The following TMEM132B variants were observed in gnomAD, a reference collection of about 807,000 sequenced individuals.
The protein encoded by TMEM132B is transmembrane protein 132B.
In TMEM132B, 18 loss-of-function variants were observed where a neutral mutation model predicts 90.8. The observed-to-expected ratio is 0.20, with a 90% CI of 0.14 to 0.29. TMEM132B has a LOEUF of 0.29. Among genes scored for constraint, TMEM132B ranks in the 10% least tolerant of loss-of-function variants. The pLI is 1.00. For synonymous variants in TMEM132B, 504 were observed against 523.3 expected, an observed-to-expected ratio of 0.96 and a Z score of 0.50; for missense variants, 1,096 against 1,326.8, an observed-to-expected ratio of 0.83 and a Z score of 2.70.
At chr12:125,219,517 G>T (rs1873513022) in intron 1 of TMEM132B, among the ~76,000 whole-genome samples, 1 of 152,154 alleles carries the variant, frequency 6.6e-6, no homozygotes, top group Non-Finnish European at 1.5e-5. Context: ...GAGGCTGCCT[G>T]GATCCCCAGA....
chr12:125,403,206 A>C (rs1437021224), intron 2 of TMEM132B, among the ~76,000 whole-genome samples: 1 of 152,196 alleles, frequency 6.6e-6, no homozygotes, highest in Non-Finnish European at 1.5e-5. Flanking sequence ...TGAGCTGCTG[A>C]GTGACATTAT....
chr12:125,316,688 G>T (rs1017385147), intron 1 of TMEM132B, among the ~76,000 whole-genome samples: 1 of 142,986 alleles, frequency 7.0e-6, no homozygotes, highest in Non-Finnish European at 1.5e-5. Context: ...CGGAAGAGGG[G>T]GCAGGAAGTG....
intron 3 of TMEM132B, among the ~76,000 whole-genome samples, chr12:125,474,056 T>TTCCTTTCCTTTCC (rs1555252177): frequency 1.6e-4 from 21 of 129,480 alleles, no homozygotes; most frequent in African/African-American, 6.1e-4. Flanking sequence ...CCTTCTTTCT[T>TTCCTTTCCTTTCC]TTTCCTTTCC....
chr12:125,473,829 T>G (rs1881785403), intron 3 of TMEM132B, among the ~76,000 whole-genome samples: 1 of 152,184 alleles, frequency 6.6e-6, no homozygotes, highest in Non-Finnish European at 1.5e-5. Flanking sequence ...TTGAAGGAGT[T>G]TTTTTTCTTT....
chr12:125,533,650 C>G (rs10744212), intron 4 of TMEM132B, among the ~76,000 whole-genome samples: 87,877 of 151,806 alleles, frequency 0.58, 25,799 homozygotes, highest in East Asian at 0.86. Context: ...CGCAGACCGG[C>G]TTGTACAGGC....
intron 2 of TMEM132B, among the ~76,000 whole-genome samples, chr12:125,397,532 C>G (rs1879202597): frequency 6.6e-6 from 1 of 152,066 alleles, no homozygotes; most frequent in Non-Finnish European, 1.5e-5. Context: ...CATGAGAAAC[C>G]CTTTATTGGG....
chr12:125,631,085 T>G (rs2136995402), intron 5 of TMEM132B, among the ~76,000 whole-genome samples: 1 of 152,274 alleles, frequency 6.6e-6, no homozygotes, highest in African/African-American at 2.4e-5. Context: ...TTAAATTGTT[T>G]ATTTGAAGTT....
intron 2 of TMEM132B, among the ~76,000 whole-genome samples, chr12:125,379,265 C>G (rs1878587563): frequency 6.6e-6 from 1 of 152,088 alleles, no homozygotes; most frequent in Non-Finnish European, 1.5e-5. Context: ...AGGAGGGTAT[C>G]CTGGGTTATC....
At chr12:125,529,782 A>G (rs1883594481) in intron 4 of TMEM132B, among the ~76,000 whole-genome samples, 1 of 152,230 alleles carries the variant, frequency 6.6e-6, no homozygotes, top group Admixed American at 6.5e-5. Flanking sequence ...AAAACTTTAA[A>G]ATCTAAACAG....
Position 125,498,262 on chromosome 12 carries a change from T to C in TMEM132B, c.1107-21177T>C, listed in dbSNP as rs918287666. ...ACAGTAAAGGATGATTTAATTTACA[T>C]GGGAATGCTGAGTTGATGGCTAGGT... On this transcript the variant is annotated intron_variant, in intron 3 of 8. Coordinates refer to ENST00000682704, the MANE Select transcript of TMEM132B (RefSeq NM_001366854.1). The surrounding 1 kb of genome is among the most constrained non-coding windows in gnomAD (Gnocchi z 4.5). Among the ~76,000 whole-genome samples, 13 of 152,206 alleles carry C rather than the reference T, an allele frequency of 8.5e-5. No homozygotes were observed. The highest frequency in any genetic ancestry group is 1.9e-4 in the African/African-American group (8 of 41,444).
At chr12:125,386,478 A>G (rs1039980183) in intron 2 of TMEM132B, among the ~76,000 whole-genome samples, 2 of 152,230 alleles carry the variant, frequency 1.3e-5, no homozygotes, top group African/African-American at 2.4e-5. Flanking sequence ...AATGCCAGCT[A>G]ATGAAAAATA....
Position 125,349,708 on chromosome 12 carries a change from G to A in TMEM132B, c.324G>A (p.Leu108=). The A allele has an allele frequency of 6.2e-7, 1 of 1,614,162 alleles. No individual in the cohort carries two copies. The highest frequency in any genetic ancestry group is 1.1e-5 in the South Asian group (1 of 91,066). The change falls in exon 2 of 9, where the codon TTG becomes TTA. Residue 108 remains leucine (L), a synonymous_variant. Coordinates refer to ENST00000682704, the MANE Select transcript of TMEM132B (RefSeq NM_001366854.1). The surrounding 1 kb of genome is among the most constrained non-coding windows in gnomAD (Gnocchi z 4.1). ...VEKIIPQELL[L]TSTAFGNMDK... is the part of the protein sequence containing the mutation. ...AGATAATCCCCCAGGAGCTCCTGTTGACATCTACAGCCTTTGGAAACATGG... is the reference window on the plus strand; with the variant it reads ...AGATAATCCCCCAGGAGCTCCTGTTAACATCTACAGCCTTTGGAAACATGG...
chr12:125,237,258 C>T (rs899952628), intron 1 of TMEM132B, among the ~76,000 whole-genome samples: 2 of 152,068 alleles, frequency 1.3e-5, no homozygotes, highest in Non-Finnish European at 2.9e-5. Flanking sequence ...CTCCAGGGGG[C>T]ACCAAGGGGC....
intron 2 of TMEM132B, among the ~76,000 whole-genome samples, chr12:125,386,047 C>T (rs565320785): frequency 1.3e-5 from 2 of 152,232 alleles, no homozygotes; most frequent in East Asian, 3.9e-4. Flanking sequence ...GGTTGGAGTG[C>T]AGTGGCAAGA....
In TMEM132B at chr12:125,498,954, A is replaced by G. The variant is rs1882626129; in HGVS notation, c.1107-20485A>G. On this transcript the variant is annotated intron_variant, in intron 3 of 8. Coordinates refer to ENST00000682704, the MANE Select transcript of TMEM132B (RefSeq NM_001366854.1). The surrounding 1 kb of genome is among the most constrained non-coding windows in gnomAD (Gnocchi z 4.5). ...GGGAATGCTCAGTTAGCAAAATAAT[A>G]ATAATCTCTATAGGATTGTCCTTTG... Among the ~76,000 whole-genome samples, 1 of 152,236 alleles carries G rather than the reference A, an allele frequency of 6.6e-6. No homozygotes were observed. The highest frequency in any genetic ancestry group is 2.4e-5 in the African/African-American group (1 of 41,464).
intron 3 of TMEM132B, among the ~76,000 whole-genome samples, chr12:125,443,359 G>A (rs895638060): frequency 4.6e-5 from 7 of 152,208 alleles, no homozygotes; most frequent in African/African-American, 1.7e-4. Context: ...TTTCTTTGGT[G>A]TAAACTTTGG....
chr12:125,254,905 A>G (rs1874400736), intron 1 of TMEM132B, among the ~76,000 whole-genome samples: 1 of 151,740 alleles, frequency 6.6e-6, no homozygotes, highest in African/African-American at 2.4e-5. Flanking sequence ...GGCTGATCTC[A>G]AACTCCTGAT....
intron 5 of TMEM132B, among the ~76,000 whole-genome samples, chr12:125,598,477 C>G (rs1885495646): frequency 6.6e-6 from 1 of 152,172 alleles, no homozygotes; most frequent in South Asian, 2.1e-4. Context: ...AATATGCCAT[C>G]TGCAACTTGC....
intron 6 of TMEM132B, among the ~76,000 whole-genome samples, chr12:125,649,084 C>T (rs1356410588): frequency 2.0e-5 from 3 of 152,188 alleles, no homozygotes; most frequent in Non-Finnish European, 4.4e-5. Context: ...TCTTTGCCAC[C>T]TAACACCATC....
Sources: allele counts gnomAD v4.1 joint callset (sites outside exome capture counted in the v4.1 genomes callset), GRCh38; gene constraint gnomAD v4.1.1; non-coding constraint Gnocchi (gnomAD v3.1); transcripts MANE v1.5; gene names NCBI Gene and HGNC (gene_info 2026-07-23, HGNC 2026-07-21).